SOD2: variants seen among roughly 807,000 people sequenced by gnomAD.
SOD2 encodes the protein superoxide dismutase [Mn], mitochondrial.
SOD2 carries 11 observed loss-of-function variants against 27.0 expected under a neutral mutation model. The observed-to-expected ratio is 0.41, with a 90% confidence interval of 0.26 to 0.67. The LOEUF is 0.67. Among genes scored for constraint, SOD2 ranks in the 30% least tolerant of loss-of-function variants. SOD2 has a pLI of 0.34. For missense variants in SOD2, 250 were observed against 274.5 expected, an observed-to-expected ratio of 0.91 and a Z score of 0.63; for synonymous variants, 105 against 103.0, an observed-to-expected ratio of 1.02 and a Z score of -0.12.
At chr6:159,688,332 G>T (rs1389998418) in intron 2 of SOD2, 90 bp from the exon 3 acceptor site, 7 of 781,174 alleles carry the variant, frequency 9.0e-6, no homozygotes, top group Non-Finnish European at 1.5e-5. Context: ...TAAGCTATTA[G>T]ATAATGGGAC....
At chr6:159,696,261 C>T (rs1363494240), upstream of SOD2, among the ~76,000 whole-genome samples, 1 of 152,198 alleles carries the variant, frequency 6.6e-6, no homozygotes, top group African/African-American at 2.4e-5. Flanking sequence ...GCAACCTCAT[C>T]TCCCTTCTAG....
At chr6:159,755,863 G>A in intron 1 of SOD2, 1 of 495,212 alleles carries the variant, frequency 2.0e-6, no homozygotes, top group Non-Finnish European at 3.0e-6. Context: ...GACATTTTGT[G>A]TAGGGTCAAG....
intron 1 of SOD2, chr6:159,738,950 C>T (rs371869678): frequency 2.1e-5 from 31 of 1,508,506 alleles, no homozygotes; most frequent in Middle Eastern, 1.7e-4. Context: ...TTTGTGTCTT[C>T]AGGAAGAACA....
chr6:159,706,914 C>T (rs1777638319), intron 1 of SOD2, among the ~76,000 whole-genome samples: 1 of 152,178 alleles, frequency 6.6e-6, no homozygotes. Flanking sequence ...TTATAACAAA[C>T]TGTCTCTCAA....
At chr6:159,739,063 C>A in intron 1 of SOD2, 1 of 1,599,732 alleles carries the variant, frequency 6.3e-7, no homozygotes, top group African/African-American at 1.3e-5. Flanking sequence ...GTTCTCTGTT[C>A]AAAAACAAAG....
chr6:159,710,925 A>C (rs1304276638), intron 1 of SOD2, among the ~76,000 whole-genome samples: 11 of 132,918 alleles, frequency 8.3e-5, no homozygotes, highest in Admixed American at 1.5e-4. Context: ...TCTGATCACC[A>C]TAACCACCTC....
intron 1 of SOD2, among the ~76,000 whole-genome samples, chr6:159,740,949 G>T (rs1017714017): frequency 6.6e-6 from 1 of 151,938 alleles, no homozygotes; most frequent in Non-Finnish European, 1.5e-5. Flanking sequence ...TGATCTGCCC[G>T]CCTCGGCCTC....
chr6:159,716,570 A>C (rs775765745), intron 1 of SOD2, among the ~76,000 whole-genome samples: 2 of 152,180 alleles, frequency 1.3e-5, no homozygotes, highest in Non-Finnish European at 2.9e-5. Flanking sequence ...CTCTGCCTGC[A>C]AGAAGACTGA....
Position 159,674,608 on chromosome 6 carries a change from G to C in SOD2, c.*7885C>G, listed in dbSNP as rs1779736553. 1 of 152,114 alleles carries C rather than the reference G, an allele frequency of 6.6e-6. No individual in the cohort carries two copies. Among genetic ancestry groups the C allele is most frequent in the African/African-American group, 2.4e-5 (1 of 41,408 alleles). The allele number at this position is 152,114 out of a possible 1,614,324, so 9.4% of individuals were successfully genotyped here. A position where few individuals can be genotyped will look rare whatever the true frequency, so the allele number is the denominator to read the frequency against. ...GATGGGACATATCTCAAAATAATAA[G>C]AGCTATCTATGACAAACCCACAGCC... On this transcript the variant is annotated 3_prime_UTR_variant, in exon 5 of 5. Transcript: ENST00000538183.
chr6:159,723,811 T>C (rs1041585956), intron 1 of SOD2, among the ~76,000 whole-genome samples: 3 of 152,216 alleles, frequency 2.0e-5, no homozygotes, highest in Non-Finnish European at 4.4e-5. Flanking sequence ...CAAGCTGTAG[T>C]GCACTGGTGA....
At position 159,692,815 on chromosome 6, in the gene SOD2, C is replaced by CT. The variant is rs762291409; in HGVS notation, c.71dup (p.Lys25GlufsTer75). ...AGGGCAGGTCGGGGAGGCTGTGCTT[C>CT]TGCCTGGAGCCCAGATACCCCAAAA... is the stretch of plus-strand genomic sequence containing the variant. On this transcript the variant is annotated frameshift_variant, in exon 2 of 5. Coordinates refer to ENST00000538183, the MANE Select transcript of SOD2 (RefSeq NM_000636.4). LOFTEE classifies it high-confidence loss of function. The CT allele has an allele frequency of 6.2e-7, 1 of 1,613,818 alleles. No individual in the cohort carries two copies. Among genetic ancestry groups the CT allele is most frequent in the South Asian group, 1.1e-5 (1 of 91,060 alleles).
In SOD2 at chr6:159,682,619, C is replaced by T. The variant is rs1362244768; in HGVS notation, c.543G>A (p.Gly181=). The T allele has an allele frequency of 1.2e-6, 2 of 1,612,406 alleles. No homozygotes were observed. The highest frequency in any genetic ancestry group is 4.5e-5 in the East Asian group (2 of 44,742). ...QGTTGLIPLL[G]IDVWEHAYYL... The stretch of plus-strand genomic sequence containing the variant: ...AGTAAGCGTGCTCCCACACATCAAT[C>T]CCCAGCAGTGGAATAAGGCCTGTTA... Residue 181 remains glycine (G), a synonymous_variant, in exon 5 of 5, where the codon GGG becomes GGA. Transcript: ENST00000538183.
At chr6:159,710,752 C>G (rs879039018) in intron 1 of SOD2, among the ~76,000 whole-genome samples, 8 of 150,264 alleles carry the variant, frequency 5.3e-5, no homozygotes, top group Admixed American at 2.0e-4. Context: ...ATAACCACCA[C>G]TCATACTGCT....
chr6:159,721,039 TATTTTTATTTA>T lies in SOD2; in HGVS notation c.-116+6079_-116+6089del, dbSNP rs1292427741. 3.8e-3 allele frequency among the ~76,000 whole-genome samples: 563 copies of T among 149,826 alleles called. 6 individuals are homozygous for T. The highest frequency in any genetic ancestry group is 0.013 in the African/African-American group (541 of 40,964). On this transcript the variant is annotated intron_variant, in intron 1 of 2. Transcript: ENST00000401980. The stretch of plus-strand genomic sequence containing the variant: ...CCCGACTATTTTTTTTTTGTATTTT[TATTTTTATTTA>T]ATTTTTATTTATTTATATTTTTTAA...
At chr6:159,686,303 G>A (rs905486592) in intron 3 of SOD2, among the ~76,000 whole-genome samples, 4 of 152,110 alleles carry the variant, frequency 2.6e-5, no homozygotes, top group Non-Finnish European at 4.4e-5. Flanking sequence ...TCTGGTAACT[G>A]ACAAAACTTC....
chr6:159,728,350 G>A (rs909417043), upstream of SOD2, among the ~76,000 whole-genome samples: 3 of 152,010 alleles, frequency 2.0e-5, no homozygotes, highest in Non-Finnish European at 4.4e-5. Context: ...AAAGTCACTT[G>A]GTTGTTTGAT....
chr6:159,727,671 C>G, upstream of SOD2: 5 of 984,870 alleles, frequency 5.1e-6, no homozygotes, highest in Non-Finnish European at 6.0e-6. Flanking sequence ...GCCTATGCGA[C>G]CGGTGGCGCC....
At chr6:159,684,613 C>A (rs758216316) in intron 4 of SOD2, among the ~76,000 whole-genome samples, 5 of 151,094 alleles carry the variant, frequency 3.3e-5, no homozygotes, top group Admixed American at 6.6e-5. Context: ...AGATCTGTCT[C>A]AAAAAAAATA....
intron 1 of SOD2, among the ~76,000 whole-genome samples, chr6:159,754,531 C>T (rs1043769248): frequency 1.3e-5 from 2 of 152,150 alleles, no homozygotes; most frequent in South Asian, 2.1e-4. Flanking sequence ...CAGTTGCCCT[C>T]GGTATCCATG....
Sources: allele counts gnomAD v4.1 joint callset (sites outside exome capture counted in the v4.1 genomes callset), GRCh38; gene constraint gnomAD v4.1.1; transcripts MANE v1.5; gene names NCBI Gene and HGNC (gene_info 2026-07-23, HGNC 2026-07-21).